The following TMEM40 variants were observed in gnomAD, a reference collection of about 807,000 sequenced individuals.
TMEM40 encodes transmembrane protein 40.
TMEM40 carries 34 observed loss-of-function variants against 40.8 expected under a neutral mutation model. The observed-to-expected ratio is 0.83, with a 90% CI of 0.63 to 1.11. The LOEUF is 1.11. Ranked by LOEUF, TMEM40 falls within the 50% of genes least tolerant of loss-of-function variation. The pLI is 0.00. For missense variants in TMEM40, 296 were observed against 280.2 expected (o/e 1.06, Z -0.40); for synonymous variants, 106 against 107.0 (o/e 0.99, Z 0.06).
chr3:12,759,387 T>C (rs1243549761), upstream of TMEM40: 1 of 152,394 alleles, frequency 6.6e-6, no homozygotes, highest in Non-Finnish European at 1.5e-5. Context: ...CCCCAGGCCT[T>C]CCTGTCTGAC....
chr3:12,736,949 G>C, intron 8 of TMEM40, 114 bp from the exon 9 acceptor site: 1 of 1,292,904 alleles, frequency 7.7e-7, no homozygotes, highest in Non-Finnish European at 1.1e-6. Context: ...TGCGATCCCA[G>C]CTCATTGCAG....
In TMEM40 at chr3:12,735,601, G is replaced by T; in HGVS notation, c.636C>A (p.Ser212Arg). ...AGAGGGGGATGAAGCCTTGGAGGAC[G>T]CTGTGGATACGGTACACTGCTCAGA... ...IYFGLVYRIH[S>R]VLQGFIPLFQ... Residue 212 changes from serine (S) to arginine (R), a missense_variant, in exon 11 of 12, where the codon AGC (serine) becomes AGA (arginine). Coordinates refer to ENST00000314124, the MANE Select transcript of TMEM40 (RefSeq NM_018306.4). The T allele has an allele frequency of 6.2e-7, 1 of 1,613,308 alleles. No individual in the cohort carries two copies. The highest frequency in any genetic ancestry group is 8.5e-7 in the Non-Finnish European group (1 of 1,179,774).
At chr3:12,746,296 A>C (rs950202790) in intron 3 of TMEM40, among the ~76,000 whole-genome samples, 1 of 152,202 alleles carries the variant, frequency 6.6e-6, no homozygotes, top group Non-Finnish European at 1.5e-5. Context: ...ACTGGCACAT[A>C]TTTGGTGCTC....
chr3:12,754,772 G>T (rs1222247259), intron 1 of TMEM40, among the ~76,000 whole-genome samples: 1 of 152,120 alleles, frequency 6.6e-6, no homozygotes, highest in African/African-American at 2.4e-5. Context: ...CTAGGGATGA[G>T]CTCCACATGG....
chr3:12,755,233 C>CTCTTTTTCTT (rs2061516295), intron 1 of TMEM40, among the ~76,000 whole-genome samples: 1 of 59,886 alleles, frequency 1.7e-5, no homozygotes, highest in African/African-American at 7.2e-5. Context: ...CTCTCTCTCT[C>CTCTTTTTCTT]TCTTTCTTTC....
At chr3:12,742,334 C>T (rs763697865) in intron 5 of TMEM40, 120 bp downstream of exon 5, 16 of 1,161,242 alleles carry the variant, frequency 1.4e-5, no homozygotes, top group Non-Finnish European at 2.0e-5. Context: ...GGCCACATCT[C>T]CTGTATTTGG....
upstream of TMEM40, among the ~76,000 whole-genome samples, chr3:12,763,937 A>G (rs949789970): frequency 1.3e-5 from 2 of 151,944 alleles, no homozygotes; most frequent in Non-Finnish European, 2.9e-5. Flanking sequence ...TTTTTTTGAG[A>G]CAGAGTCTCA....
chr3:12,744,983 T>C (rs764244279), intron 3 of TMEM40, among the ~76,000 whole-genome samples: 1 of 152,136 alleles, frequency 6.6e-6, no homozygotes, highest in Admixed American at 6.5e-5. Context: ...TATTCATCAG[T>C]GCAAAAAATG....
chr3:12,737,824 C>A, intron 7 of TMEM40, 70 bp from the exon 8 acceptor site: 2 of 1,463,694 alleles, frequency 1.4e-6, no homozygotes, highest in Non-Finnish European at 1.9e-6. Flanking sequence ...CTTTTCCCTG[C>A]CTCATTGAGA....
intron 3 of TMEM40, 82 bp from the exon 4 acceptor site, chr3:12,744,071 G>T: frequency 7.1e-7 from 1 of 1,414,754 alleles, no homozygotes; most frequent in Non-Finnish European, 9.7e-7. Flanking sequence ...GCCATTCTCA[G>T]AATTTAGTTT....
chr3:12,758,993 C>T (rs921947850), intron 1 of TMEM40, among the ~76,000 whole-genome samples, 198 bp downstream of exon 1: 8 of 152,170 alleles, frequency 5.3e-5, no homozygotes, highest in Non-Finnish European at 7.3e-5. Context: ...CAACACAACC[C>T]AGGAAGGTGA....
In TMEM40 at chr3:12,738,094, C is replaced by A. The variant is rs781277551; in HGVS notation, c.424+42G>T. ...GAGGACCCAACCCATCGTCTGGAAT[C>A]CACACCCGCTCTGGCTCTCCTATTT... is the stretch of plus-strand genomic sequence containing the variant. On this transcript the variant is annotated intron_variant, in intron 7 of 11. Coordinates refer to ENST00000314124, the MANE Select transcript of TMEM40 (RefSeq NM_018306.4). 5.1e-5 allele frequency: 83 copies of A among 1,611,696 alleles called. 1 individual carries two copies. The South Asian group carries it at 8.1e-4, about 16-fold the overall frequency.
chr3:12,743,940 C>G lies in TMEM40; in HGVS notation c.261G>C (p.Arg87=), dbSNP rs752615328. 2 of 1,613,584 alleles carry G rather than the reference C, an allele frequency of 1.2e-6. No homozygotes were observed. The highest frequency in any genetic ancestry group is 2.2e-5 in the South Asian group (2 of 90,768). ...QQPRATGKHR[R]SLGAGYPHGN... ...CGTGGGGGTATCCAGCCCCCAGGCT[C>G]CGTCGATGTTTTCCGGTTGCTCTGG... The change falls in exon 4 of 12, where the codon CGG becomes CGC. Residue 87 remains arginine, a synonymous_variant. Coordinates refer to ENST00000314124, the MANE Select transcript of TMEM40 (RefSeq NM_018306.4).
chr3:12,758,193 ATC>A (rs144548966), intron 1 of TMEM40, among the ~76,000 whole-genome samples: 1 of 151,520 alleles, frequency 6.6e-6, no homozygotes, highest in African/African-American at 2.4e-5. Context: ...AGCACTTGAG[ATC>A]TCTCTCTCTC....
chr3:12,757,090 C>T (rs987504222), intron 1 of TMEM40, among the ~76,000 whole-genome samples: 2 of 152,120 alleles, frequency 1.3e-5, no homozygotes, highest in African/African-American at 4.8e-5. Flanking sequence ...CATACAGTGA[C>T]AAATAATCCA....
chr3:12,737,710 C>T lies in TMEM40; in HGVS notation c.469G>A (p.Asp157Asn). Reference sequence around the variant, plus strand: ...TCTGCTACACCAAGTTCCTTACCATCTTTCTTTATATTCAGTCTTCTTAAC... The same window carrying T: ...TCTGCTACACCAAGTTCCTTACCATTTTTCTTTATATTCAGTCTTCTTAAC... ...SQLRRLNIKK[D>N]DEFFHFVLLC... Residue 157 changes from aspartate to asparagine, a missense_variant, in exon 8 of 12, where the codon GAT becomes AAT. Physicochemically the swap from Asp to Asn is conservative, Grantham distance 23. Coordinates refer to ENST00000314124, the MANE Select transcript of TMEM40 (RefSeq NM_018306.4). The T allele has an allele frequency of 6.2e-7, 1 of 1,614,062 alleles. No homozygotes were observed. The highest frequency in any genetic ancestry group is 8.5e-7 in the Non-Finnish European group (1 of 1,179,946).
At position 12,747,615 on chromosome 3, in the gene TMEM40, G is replaced by C. The variant is rs1036383573; in HGVS notation, c.211+1040C>G. Among the ~76,000 whole-genome samples, 7 of 152,114 alleles carry C rather than the reference G, an allele frequency of 4.6e-5. No individual in the cohort carries two copies. The East Asian group carries it at 7.7e-4, about 17-fold the overall frequency. On this transcript the variant is annotated intron_variant, in intron 3 of 11. Transcript: ENST00000314124. ...AGAATAATGTGGTTATTTGTAATCA[G>C]GATGTTATTGGAGGCCAGGCACAGT...
intron 1 of TMEM40, among the ~76,000 whole-genome samples, chr3:12,752,371 CTATAAGT>C (rs2061484472): frequency 6.6e-6 from 1 of 152,194 alleles, no homozygotes; most frequent in Non-Finnish European, 1.5e-5. Context: ...TAACAAGCAG[CTATAAGT>C]GCCTACTATC....
intron 5 of TMEM40, among the ~76,000 whole-genome samples, chr3:12,740,451 C>T (rs557732383): frequency 5.4e-5 from 8 of 148,984 alleles, no homozygotes; most frequent in Non-Finnish European, 1.0e-4. Flanking sequence ...CCTCTAATCC[C>T]AGCACTTTGG....
Sources: gnomAD v4.1 joint callset for allele counts (sites outside exome capture counted in the v4.1 genomes callset) on GRCh38, gnomAD v4.1.1 for gene constraint, MANE v1.5 for transcripts, NCBI Gene and HGNC (gene_info 2026-07-23, HGNC 2026-07-21) for gene names.